Variants in NEK10 observed in about 807,000 individuals in gnomAD.
NEK10 encodes the protein serine/threonine-protein kinase Nek10.
NEK10 carries 122 observed loss-of-function variants against 159.8 expected under a neutral mutation model. That is an observed-to-expected ratio of 0.76 (90% CI 0.66 to 0.89). The LOEUF (loss-of-function observed/expected upper bound fraction) is 0.89. Among genes scored for constraint, NEK10 ranks in the 40% least tolerant of loss-of-function variants. The probability of loss-of-function intolerance (pLI) is 0.00; values close to 1 mark genes in which losing one functional copy is unlikely to be tolerated. For missense variants in NEK10, 1,342 were observed against 1,323.1 expected (o/e 1.01, Z -0.22); for synonymous variants, 466 against 457.1 (o/e 1.02, Z -0.25).
chr3:27,222,334 C>T (rs1223746546), intron 23 of NEK10, among the ~76,000 whole-genome samples: 1 of 152,212 alleles, frequency 6.6e-6, no homozygotes, highest in African/African-American at 2.4e-5. Context: ...GATCATGCCA[C>T]TGCACTCCAG....
At chr3:27,189,653 G>T (rs1948944822) in intron 26 of NEK10, among the ~76,000 whole-genome samples, 1 of 150,206 alleles carries the variant, frequency 6.7e-6, no homozygotes, top group African/African-American at 2.4e-5. Flanking sequence ...AATAATAATT[G>T]GTCCCCACTG....
intron 31 of NEK10, among the ~76,000 whole-genome samples, chr3:27,134,475 G>A (rs964781933): frequency 6.6e-6 from 1 of 152,208 alleles, no homozygotes; most frequent in African/African-American, 2.4e-5. Flanking sequence ...ACTTTTGAAA[G>A]TGTGGAACAC....
At chr3:27,224,688 C>A (rs941585466) in intron 23 of NEK10, among the ~76,000 whole-genome samples, 5 of 152,142 alleles carry the variant, frequency 3.3e-5, no homozygotes, top group African/African-American at 1.2e-4. Flanking sequence ...ACTCTCACTA[C>A]CCTGGGATTA....
intron 26 of NEK10, among the ~76,000 whole-genome samples, chr3:27,190,736 T>C (rs17679850): frequency 0.23 from 34,739 of 152,122 alleles, 4,293 homozygotes; most frequent in Middle Eastern, 0.37. Flanking sequence ...TAGAAATAGC[T>C]AAATCTCTTG....
Position 27,192,082 on chromosome 3 carries a change from C to T in NEK10, c.2452G>A (p.Glu818Lys), listed in dbSNP as rs566821379. The T allele has an allele frequency of 6.2e-7, 1 of 1,614,174 alleles. No homozygotes were observed. Among genetic ancestry groups the T allele is most frequent in the African/African-American group, 1.3e-5 (1 of 75,030 alleles). The change falls in exon 26 of 36, where the codon GAA becomes AAA. Residue 818 changes from glutamate (E) to lysine (K), a missense_variant. By Grantham distance (56) the Glu-to-Lys change is moderately conservative (BLOSUM62 1). Transcript: ENST00000691995. ...ERRRTQRYFMEANRNTVTCHH... is the reference protein window; with the variant it reads ...ERRRTQRYFMKANRNTVTCHH... ...CATGTGACGGTGTTCCGGTTGGCTTCCATAAAATACCTTTGTGTGCGTCTT... is the reference window on the plus strand; with the variant it reads ...CATGTGACGGTGTTCCGGTTGGCTTTCATAAAATACCTTTGTGTGCGTCTT...
intron 22 of NEK10, chr3:27,265,674 C>T (rs981446456): frequency 4.6e-5 from 7 of 152,152 alleles, no homozygotes; most frequent in African/African-American, 1.7e-4. Context: ...CATGCTGGCA[C>T]AGTGAGCACC....
chr3:27,222,080 A>C (rs764760816), intron 23 of NEK10, among the ~76,000 whole-genome samples: 5 of 152,298 alleles, frequency 3.3e-5, no homozygotes, highest in African/African-American at 1.2e-4. Context: ...TTTCTTCAAA[A>C]AACTTTTCCT....
chr3:27,113,485 A>G (rs1034654258), intron 35 of NEK10, among the ~76,000 whole-genome samples: 4 of 151,462 alleles, frequency 2.6e-5, no homozygotes, highest in Non-Finnish European at 5.9e-5. Flanking sequence ...TACCATGGAT[A>G]TATGGATTTT....
chr3:27,366,316 T>C (rs2049081891), intron 1 of NEK10, among the ~76,000 whole-genome samples: 1 of 152,204 alleles, frequency 6.6e-6, no homozygotes. Context: ...CTGTGTTCTA[T>C]GAACTCTGCT....
At chr3:27,203,408 C>A (rs113038092) in intron 23 of NEK10, among the ~76,000 whole-genome samples, 1,751 of 152,286 alleles carry the variant, frequency 0.011, 10 homozygotes, top group South Asian at 0.02. Flanking sequence ...AATTGCCACA[C>A]AATTTAAACA....
chr3:27,252,965 T>C (rs1387487784), intron 23 of NEK10: 1 of 482,922 alleles, frequency 2.1e-6, no homozygotes, highest in African/African-American at 2.0e-5. Flanking sequence ...AAATTTTGAG[T>C]GTATTATAGC....
chr3:27,185,323 T>C (rs1948510615), intron 26 of NEK10, among the ~76,000 whole-genome samples: 1 of 152,186 alleles, frequency 6.6e-6, no homozygotes, highest in South Asian at 2.1e-4. Context: ...TACATGAGCA[T>C]TTACTTATTG....
At chr3:27,345,611 T>C (rs903390830) in intron 4 of NEK10, among the ~76,000 whole-genome samples, 1 of 152,220 alleles carries the variant, frequency 6.6e-6, no homozygotes, top group Non-Finnish European at 1.5e-5. Context: ...TGCAGAGGTC[T>C]GCTTGGCAAC....
At chr3:27,177,531 C>T (rs991644180) in intron 26 of NEK10, among the ~76,000 whole-genome samples, 4 of 143,508 alleles carry the variant, frequency 2.8e-5, no homozygotes, top group Non-Finnish European at 6.0e-5. Context: ...GGTGACAGAG[C>T]AAGACTCTTG....
intron 26 of NEK10, among the ~76,000 whole-genome samples, chr3:27,186,784 T>C (rs1423062023): frequency 6.6e-6 from 1 of 152,126 alleles, no homozygotes; most frequent in Non-Finnish European, 1.5e-5. Context: ...GACAGAAGAA[T>C]AGAAAAGGAT....
intron 26 of NEK10, among the ~76,000 whole-genome samples, chr3:27,183,169 T>C (rs1948292871): frequency 6.6e-6 from 1 of 151,916 alleles, no homozygotes; most frequent in East Asian, 1.9e-4. Context: ...TATTCTTGTA[T>C]CAAAATTTCA....
At chr3:27,318,860 C>A (rs1188996974) in intron 6 of NEK10, among the ~76,000 whole-genome samples, 2 of 151,006 alleles carry the variant, frequency 1.3e-5, no homozygotes, top group Non-Finnish European at 2.9e-5. Flanking sequence ...GAACAAACAG[C>A]AACAACAAAA....
intron 26 of NEK10, among the ~76,000 whole-genome samples, chr3:27,178,862 T>C (rs1455681427): frequency 6.6e-6 from 1 of 152,210 alleles, no homozygotes; most frequent in South Asian, 2.1e-4. Context: ...GCTGATGGAA[T>C]AAGCCTGGAG....
chr3:27,110,909 T>C lies in NEK10; in HGVS notation c.*363A>G, dbSNP rs1939439209. The C allele has an allele frequency of 1.2e-5, 2 of 171,992 alleles. No individual in the cohort carries two copies. Among genetic ancestry groups the C allele is most frequent in the Non-Finnish European group, 2.5e-5 (2 of 81,452 alleles). 10.7% of individuals were successfully genotyped at this position (171,992 alleles called of 1,614,324 possible). On this transcript the variant is annotated 3_prime_UTR_variant, in exon 36 of 36. Transcript: ENST00000691995. The stretch of plus-strand genomic sequence containing the variant: ...CAATTCTGAGTATCAAATGTGCCTT[T>C]GAAAAATATGACAAGTTTTTTTTAA...
Sources: gnomAD v4.1 joint callset for allele counts (sites outside exome capture counted in the v4.1 genomes callset) on GRCh38, gnomAD v4.1.1 for gene constraint, MANE v1.5 for transcripts, NCBI Gene and HGNC (gene_info 2026-07-23, HGNC 2026-07-21) for gene names.